Variants in RORA observed in about 807,000 individuals in gnomAD.
RORA encodes RAR related orphan receptor A, also known as nuclear receptor ROR-alpha.
A neutral mutation model predicts 69.5 loss-of-function variants in RORA; 7 were observed. The ratio of observed to expected loss-of-function variants is 0.10; its 90% CI spans 0.06 to 0.19. The LOEUF (loss-of-function observed/expected upper bound fraction) is 0.19, where lower values mean the gene tolerates loss of function less well. RORA is among the 10% of genes least tolerant of loss of function. The pLI is 1.00. For synonymous variants in RORA, 261 were observed against 240.8 expected (o/e 1.08, Z -0.78); for missense variants, 457 against 663.0 (o/e 0.69, Z 3.41).
At chr15:60,829,276 T>C (rs2073007239) in intron 1 of RORA, among the ~76,000 whole-genome samples, 2 of 152,186 alleles carry the variant, frequency 1.3e-5, no homozygotes, top group South Asian at 4.1e-4. Context: ...AGCAGGTCAC[T>C]GCTGCCCGGA....
intron 1 of RORA, among the ~76,000 whole-genome samples, chr15:61,156,788 A>G (rs1344982637): frequency 6.6e-6 from 1 of 152,196 alleles, no homozygotes; most frequent in Non-Finnish European, 1.5e-5. Flanking sequence ...AAATTTGTCA[A>G]AGTCACACTT....
At chr15:61,202,763 T>C (rs2079906877) in intron 1 of RORA, among the ~76,000 whole-genome samples, 1 of 151,830 alleles carries the variant, frequency 6.6e-6, no homozygotes, top group Non-Finnish European at 1.5e-5. Flanking sequence ...GAATTCCAGG[T>C]AGAAAAAACA....
At chr15:61,119,433 C>CACACACAAATATATATAT (rs777057084) in intron 1 of RORA, among the ~76,000 whole-genome samples, 2 of 150,774 alleles carry the variant, frequency 1.3e-5, no homozygotes, top group Non-Finnish European at 1.5e-5. Context: ...TATATATACA[C>CACACACAAATATATATAT]ACACACAAAT....
Position 61,213,863 on chromosome 15 carries a change from C to T in RORA, c.166+15190G>A, listed in dbSNP as rs931455215. On this transcript the variant is annotated intron_variant, in intron 1 of 10. Transcript: ENST00000335670. The surrounding 1 kb of genome is among the most constrained non-coding windows in gnomAD (Gnocchi z 4.1). ...TATTTGATGGATCAATGCAAGGAGG[C>T]GATATATTCTATTATACTGCCCTTA... is the stretch of plus-strand genomic sequence containing the variant. 3 of 152,102 alleles carry T rather than the reference C, an allele frequency of 2.0e-5. No individual in the cohort carries two copies. Among genetic ancestry groups the T allele is most frequent in the Non-Finnish European group, 2.9e-5 (2 of 68,038 alleles). The allele number at this position is 152,102 out of a possible 1,614,324, so 9.4% of individuals were successfully genotyped here. A position where few individuals can be genotyped will look rare whatever the true frequency, so the allele number is the denominator to read the frequency against.
rs376902141 is a variant in RORA, at chr15:60,894,505, CTG to C, written c.167-215821_167-215820del. Among the ~76,000 whole-genome samples, 421 of 152,302 alleles carry C rather than the reference CTG, an allele frequency of 2.8e-3. 3 individuals are homozygous for C. Among genetic ancestry groups the C allele is most frequent in the Middle Eastern group, 6.8e-3 (2 of 294 alleles). On this transcript the variant is annotated intron_variant, in intron 1 of 10. Transcript: ENST00000335670. ...GCAAAATTGGGCGTGGAGTCACAAA[CTG>C]AGGATTTTTGAGGGAGTAGGTGGTG... is the stretch of plus-strand genomic sequence containing the variant.
At chr15:61,188,591 C>T (rs2079767106) in intron 1 of RORA, among the ~76,000 whole-genome samples, 1 of 152,052 alleles carries the variant, frequency 6.6e-6, no homozygotes, top group Non-Finnish European at 1.5e-5. Flanking sequence ...AGAGCACCTA[C>T]CTCACATTGT....
intron 1 of RORA, among the ~76,000 whole-genome samples, chr15:60,693,954 T>C (rs886878904): frequency 1.3e-5 from 2 of 152,194 alleles, no homozygotes; most frequent in Admixed American, 6.5e-5. Flanking sequence ...ACTTTAAAAT[T>C]CATATGGAAC....
chr15:60,642,310 C>T (rs764363552), intron 2 of RORA, among the ~76,000 whole-genome samples: 1 of 152,142 alleles, frequency 6.6e-6, no homozygotes, highest in African/African-American at 2.4e-5. Context: ...TTGTCAATTA[C>T]TGGGACCAAA....
At chr15:60,997,355 C>T (rs1318705622) in intron 1 of RORA, among the ~76,000 whole-genome samples, 5 of 152,192 alleles carry the variant, frequency 3.3e-5, no homozygotes, top group East Asian at 1.9e-4. Flanking sequence ...AATTTGTCTA[C>T]GAACATACAG....
At chr15:61,200,007 C>T (rs1208142738) in intron 1 of RORA, among the ~76,000 whole-genome samples, 1 of 152,114 alleles carries the variant, frequency 6.6e-6, no homozygotes, top group Non-Finnish European at 1.5e-5. Context: ...TGCAGGGTGC[C>T]CTTTCTTGTT....
At chr15:61,090,712 G>C (rs1160931514) in intron 1 of RORA, among the ~76,000 whole-genome samples, 2 of 152,168 alleles carry the variant, frequency 1.3e-5, no homozygotes, top group Non-Finnish European at 2.9e-5. Context: ...GATGAGACAA[G>C]AGACAAGCTG....
intron 1 of RORA, among the ~76,000 whole-genome samples, chr15:60,826,377 G>A (rs555402914): frequency 3.3e-5 from 5 of 152,268 alleles, no homozygotes; most frequent in African/African-American, 1.2e-4. Flanking sequence ...TGGGTCCCGG[G>A]TGCTAAAAAC....
chr15:61,163,554 C>T lies in RORA; in HGVS notation c.166+65499G>A, dbSNP rs184211726. 3.9e-5 allele frequency among the ~76,000 whole-genome samples: 6 copies of T among 152,264 alleles called. No homozygotes were observed. In the East Asian group the frequency reaches 1.2e-3, roughly 29 times the overall value. Reference sequence around the variant, plus strand: ...TGTCAGATAAAAACAATTCAAGATTCGTACTTCCTACTAAAGAAGGGGAGC... The same window carrying T: ...TGTCAGATAAAAACAATTCAAGATTTGTACTTCCTACTAAAGAAGGGGAGC... On this transcript the variant is annotated intron_variant, in intron 1 of 10. Coordinates refer to ENST00000335670, the MANE Select transcript of RORA (RefSeq NM_134261.3).
chr15:60,789,449 AG>A (rs2140346624), intron 1 of RORA, among the ~76,000 whole-genome samples: 1 of 152,370 alleles, frequency 6.6e-6, no homozygotes, highest in East Asian at 1.9e-4. Context: ...CACCTCTTCC[AG>A]GAAGACTTCC....
rs557735987 is a variant in RORA at position 60,912,646 on chromosome 15, C to T, written c.167-233960G>A. 1.6e-4 allele frequency among the ~76,000 whole-genome samples: 25 copies of T among 152,188 alleles called. No individual in the cohort carries two copies. In the East Asian group the frequency reaches 4.5e-3, roughly 27 times the overall value. On this transcript the variant is annotated intron_variant, in intron 1 of 10. Transcript: ENST00000335670. The stretch of plus-strand genomic sequence containing the variant: ...GCAGGCGCCTGTAGTCCCAGCTCCT[C>T]AGGAGGCTGAGGCAGGAGAATGGCA...
At chr15:60,611,018 C>G (rs2140582042) in intron 2 of RORA, among the ~76,000 whole-genome samples, 1 of 152,302 alleles carries the variant, frequency 6.6e-6, no homozygotes, top group Middle Eastern at 3.4e-3. Context: ...GAAGTCATGT[C>G]ACCTAAAGTG....
intron 1 of RORA, among the ~76,000 whole-genome samples, chr15:60,679,637 T>C (rs1313897826): frequency 1.3e-5 from 2 of 152,232 alleles, no homozygotes; most frequent in Non-Finnish European, 2.9e-5. Context: ...AAGGGAACTA[T>C]TTAACCCTCC....
chr15:60,801,202 CT>C lies in RORA; in HGVS notation c.167-122517del, dbSNP rs368818444. 4.4e-3 allele frequency among the ~76,000 whole-genome samples: 672 copies of C among 152,292 alleles called. 4 individuals carry two copies. The highest frequency in any genetic ancestry group is 0.016 in the African/African-American group (656 of 41,562). On this transcript the variant is annotated intron_variant, in intron 1 of 10. Transcript: ENST00000335670. Reference sequence around the variant, plus strand: ...CACTAGGTAAAATTCGTGAAAACACCTGGTGAACTTGGGTGGAAAGGTTCAA... The same window carrying C: ...CACTAGGTAAAATTCGTGAAAACACCGGTGAACTTGGGTGGAAAGGTTCAA...
At chr15:61,013,799 T>C (rs1196464557) in intron 1 of RORA, among the ~76,000 whole-genome samples, 9 of 147,134 alleles carry the variant, frequency 6.1e-5, no homozygotes, top group African/African-American at 2.0e-4. Flanking sequence ...TTTTTTTTTT[T>C]TTTGGAGGGT....
Sources: allele counts gnomAD v4.1 joint callset (sites outside exome capture counted in the v4.1 genomes callset), GRCh38; gene constraint gnomAD v4.1.1; non-coding constraint Gnocchi (gnomAD v3.1); transcripts MANE v1.5; gene names NCBI Gene and HGNC (gene_info 2026-07-23, HGNC 2026-07-21).